Variants in CDH18 observed in about 807,000 individuals in gnomAD.
CDH18 encodes cadherin-18.
In CDH18, 31 loss-of-function variants were observed where a neutral mutation model predicts 67.9. The observed-to-expected ratio is 0.46, with a 90% CI of 0.34 to 0.62. The LOEUF is 0.62. Among genes scored for constraint, CDH18 ranks in the 20% least tolerant of loss-of-function variants. The pLI, the probability that CDH18 is intolerant of heterozygous loss-of-function variation, is 0.01. For missense variants in CDH18, 890 were observed against 975.5 expected, an observed-to-expected ratio of 0.91 and a Z score of 1.17; for synonymous variants, 362 against 347.2, an observed-to-expected ratio of 1.04 and a Z score of -0.48.
At chr5:19,754,727 A>G (rs1186413414) in intron 3 of CDH18, among the ~76,000 whole-genome samples, 1 of 152,200 alleles carries the variant, frequency 6.6e-6, no homozygotes, top group Non-Finnish European at 1.5e-5. Flanking sequence ...TCAATAGCAC[A>G]TGGAACTTTC....
chr5:19,511,616 G>C (rs186899150), intron 10 of CDH18, among the ~76,000 whole-genome samples: 163 of 152,262 alleles, frequency 1.1e-3, no homozygotes, highest in African/African-American at 3.8e-3. Flanking sequence ...GAGACTGGTG[G>C]CATTTTGCCC....
chr5:20,501,566 T>TA (rs1754295746), intron 1 of CDH18, among the ~76,000 whole-genome samples: 11 of 9,222 alleles, frequency 1.2e-3, no homozygotes, highest in Non-Finnish European at 2.4e-3. Flanking sequence ...AATATATATA[T>TA]ATAATATATA....
chr5:19,829,068 A>C (rs1780736735), intron 3 of CDH18, among the ~76,000 whole-genome samples: 1 of 152,078 alleles, frequency 6.6e-6, no homozygotes, highest in Non-Finnish European at 1.5e-5. Context: ...ATAAGTAAAT[A>C]ACAGGAGCCA....
At chr5:20,468,308 G>T (rs1402936306) in intron 1 of CDH18, among the ~76,000 whole-genome samples, 1 of 152,074 alleles carries the variant, frequency 6.6e-6, no homozygotes, top group African/African-American at 2.4e-5. Flanking sequence ...GAGCTGCCAC[G>T]CCCAGCCTAC....
intron 7 of CDH18, among the ~76,000 whole-genome samples, chr5:19,588,047 T>A (rs1226225228): frequency 1.3e-5 from 2 of 152,006 alleles, no homozygotes; most frequent in Non-Finnish European, 2.9e-5. Flanking sequence ...CTTTTTGTGG[T>A]GATTGTGAAT....
At chr5:20,501,551 TATATAATATATATATATA>T (rs1208838556) in intron 1 of CDH18, among the ~76,000 whole-genome samples, 452 of 27,252 alleles carry the variant, frequency 0.017, 17 homozygotes, top group African/African-American at 0.043. Context: ...ACATATTATA[TATATAATATATATATATA>T]ATATATATAT....
rs75542141 is a variant in CDH18, at chr5:20,196,224, A to G, written c.-518+59220T>C. Among the ~76,000 whole-genome samples the G allele has an allele frequency of 5.6e-3, 856 of 152,318 alleles. 9 individuals are homozygous for G. Among genetic ancestry groups the G allele is most frequent in the African/African-American group, 0.02 (820 of 41,568 alleles). On this transcript the variant is annotated intron_variant, in intron 2 of 14. Transcript: ENST00000507958. ...GCAGTATTTTGATAGATCCCAGAAT[A>G]TATTGTCATAATAGGTCAGAGTTAT...
chr5:20,469,543 G>A lies in CDH18; in HGVS notation c.-580+105919C>T, dbSNP rs376024385. Among the ~76,000 whole-genome samples, 161 of 152,218 alleles carry A rather than the reference G, an allele frequency of 1.1e-3. 4 individuals are homozygous for A. In the South Asian group the frequency reaches 0.031, roughly 30 times the overall value. ...TCAAAGTGCCCTTCACAAGTTTGCT[G>A]TAACGGATACCCCGATCTTCCTTGA... is the stretch of plus-strand genomic sequence containing the variant. On this transcript the variant is annotated intron_variant, in intron 1 of 14. Coordinates refer to the CDH18 transcript ENST00000507958.
At chr5:20,107,911 C>T in intron 2 of CDH18, among the ~76,000 whole-genome samples, 1 of 116,544 alleles carries the variant, frequency 8.6e-6, no homozygotes. Flanking sequence ...GCTATCCCTC[C>T]CCCCTCCCCC....
chr5:20,342,781 C>T (rs2150045824), intron 1 of CDH18, among the ~76,000 whole-genome samples: 1 of 152,254 alleles, frequency 6.6e-6, no homozygotes, highest in South Asian at 2.1e-4. Flanking sequence ...GCTTGGTTAG[C>T]TGAAATATGC....
At chr5:19,559,483 TG>T (rs757989293) in intron 8 of CDH18, among the ~76,000 whole-genome samples, 1 of 152,054 alleles carries the variant, frequency 6.6e-6, no homozygotes, top group Non-Finnish European at 1.5e-5. Flanking sequence ...CATCCTTTTA[TG>T]GTTAAAACAC....
At chr5:19,500,613 C>T (rs1743074338) in intron 11 of CDH18, among the ~76,000 whole-genome samples, 1 of 152,086 alleles carries the variant, frequency 6.6e-6, no homozygotes, top group South Asian at 2.1e-4. Flanking sequence ...TAAAAATATT[C>T]TAACAAAAAT....
At chr5:19,737,316 C>G (rs1430717321) in intron 4 of CDH18, among the ~76,000 whole-genome samples, 3 of 152,128 alleles carry the variant, frequency 2.0e-5, no homozygotes, top group African/African-American at 7.2e-5. Flanking sequence ...CTCTCTAAAC[C>G]TGATCATTTT....
chr5:20,113,841 G>A (rs952140151), intron 2 of CDH18, among the ~76,000 whole-genome samples: 1 of 152,162 alleles, frequency 6.6e-6, no homozygotes, highest in Non-Finnish European at 1.5e-5. Flanking sequence ...CAGGGGATGA[G>A]TGAGATGGTG....
intron 5 of CDH18, among the ~76,000 whole-genome samples, chr5:19,720,639 T>C (rs73761490): frequency 6.6e-6 from 1 of 152,268 alleles, no homozygotes; most frequent in African/African-American, 2.4e-5. Context: ...TGGCCTGATA[T>C]GACAGGATAT....
chr5:20,432,322 A>G (rs1168834581), intron 1 of CDH18, among the ~76,000 whole-genome samples: 1 of 152,096 alleles, frequency 6.6e-6, no homozygotes, highest in Non-Finnish European at 1.5e-5. Context: ...TGACATTGAG[A>G]CAGAATGATA....
chr5:20,126,804 T>G (rs1331925409), intron 2 of CDH18, among the ~76,000 whole-genome samples: 1 of 151,880 alleles, frequency 6.6e-6, no homozygotes, highest in Non-Finnish European at 1.5e-5. Flanking sequence ...TATCAAAAAC[T>G]AAAAAAAACA....
chr5:19,913,590 G>A (rs1791403475), intron 2 of CDH18, among the ~76,000 whole-genome samples: 1 of 152,066 alleles, frequency 6.6e-6, no homozygotes, highest in Non-Finnish European at 1.5e-5. Context: ...GGCAGTTCAA[G>A]AATATATCAC....
chr5:19,814,989 G>T (rs1402164791), intron 3 of CDH18, among the ~76,000 whole-genome samples: 1 of 151,956 alleles, frequency 6.6e-6, no homozygotes, highest in East Asian at 1.9e-4. Flanking sequence ...AAATTTGTCA[G>T]TGTAGACTTA....
Sources: gnomAD v4.1 joint callset for allele counts (sites outside exome capture counted in the v4.1 genomes callset) on GRCh38, gnomAD v4.1.1 for gene constraint, MANE v1.5 for transcripts, NCBI Gene and HGNC (gene_info 2026-07-23, HGNC 2026-07-21) for gene names.